Variants in PPP4R2 observed in about 807,000 individuals in gnomAD.
PPP4R2 encodes serine/threonine-protein phosphatase 4 regulatory subunit 2.
A neutral mutation model predicts 47.2 loss-of-function variants in PPP4R2; 13 were observed. The observed-to-expected ratio is 0.28, with a 90% CI of 0.18 to 0.44. PPP4R2 has a LOEUF of 0.44. Among genes scored for constraint, PPP4R2 ranks in the 20% least tolerant of loss-of-function variants. The pLI, the probability that PPP4R2 is intolerant of heterozygous loss-of-function variation, is 1.00. For missense variants in PPP4R2, 421 were observed against 491.2 expected, an observed-to-expected ratio of 0.86 and a Z score of 1.35; for synonymous variants, 151 against 163.3, an observed-to-expected ratio of 0.92 and a Z score of 0.57.
At chr3:73,005,943 C>G (rs920238350) in intron 2 of PPP4R2, among the ~76,000 whole-genome samples, 10 of 151,910 alleles carry the variant, frequency 6.6e-5, no homozygotes, top group African/African-American at 2.2e-4. Context: ...GAAACCATCA[C>G]AACAATCAAG....
rs375800683 is a variant in PPP4R2 at position 73,065,081 on chromosome 3, C to G, written c.868C>G (p.Arg290Gly). 2 of 1,613,840 alleles carry G rather than the reference C, an allele frequency of 1.2e-6. No homozygotes were observed. The highest frequency in any genetic ancestry group is 2.2e-5 in the South Asian group (2 of 91,056). Residue 290 changes from arginine to glycine, a missense_variant, in exon 8 of 9, where the codon CGT becomes GGT. Coordinates refer to ENST00000356692, the MANE Select transcript of PPP4R2 (RefSeq NM_174907.4). ...ATCTCAGGATAAAGACAAAGATAGC[C>G]GTTGTACCCGGCAGCACTGTACAGA... is the stretch of plus-strand genomic sequence containing the variant. ...SSSQDKDKDS[R>G]CTRQHCTEED...
Position 73,004,923 on chromosome 3 carries a change from TTGTGTGTTTTGAGTCGGAGTCGTGTG to T in PPP4R2, c.116+6773_116+6798del, listed in dbSNP as rs1410845389. 7.9e-3 allele frequency among the ~76,000 whole-genome samples: 1,109 copies of T among 140,040 alleles called. 21 individuals are homozygous for T. The highest frequency in any genetic ancestry group is 0.028 in the African/African-American group (1,061 of 37,384). 91.9% of individuals were successfully genotyped at this position (140,040 alleles called of 152,430 possible). ...TTGAGTCGGAGTCATGTGTGTGTGT[TTGTGTGTTTTGAGTCGGAGTCGTGTG>T]TGTGTGTGTGTGTGTGTGTGTGTGT... On this transcript the variant is annotated intron_variant, in intron 2 of 8. Transcript: ENST00000356692.
At chr3:73,058,071 A>T (rs1409983333) in intron 3 of PPP4R2, among the ~76,000 whole-genome samples, 1 of 150,430 alleles carries the variant, frequency 6.6e-6, no homozygotes, top group Non-Finnish European at 1.5e-5. Context: ...TGTAATTCTT[A>T]TGAATGCTAA....
At chr3:73,001,641 CTTT>C (rs758649383) in intron 2 of PPP4R2, among the ~76,000 whole-genome samples, 17 of 151,726 alleles carry the variant, frequency 1.1e-4, no homozygotes, top group Admixed American at 7.2e-4. Context: ...TTTCTTTCTT[CTTT>C]TTTTTTATTT....
At position 73,056,959 on chromosome 3, in the gene PPP4R2, A is replaced by C. The variant is rs183356038; in HGVS notation, c.288-2078A>C. 2.1e-3 allele frequency among the ~76,000 whole-genome samples: 326 copies of C among 152,300 alleles called. 5 individuals are homozygous for C. Among genetic ancestry groups the C allele is most frequent in the Non-Finnish European group, 3.6e-3 (244 of 67,998 alleles). On this transcript the variant is annotated intron_variant, in intron 3 of 8. Transcript: ENST00000356692. ...GTATTTTTCAGTTAAGTACTATTTG[A>C]ATACCCAAACACTTGTTGAATACCC...
intron 3 of PPP4R2, among the ~76,000 whole-genome samples, chr3:73,057,422 A>G (rs1702750922): frequency 6.6e-6 from 1 of 152,242 alleles, no homozygotes; most frequent in East Asian, 1.9e-4. Context: ...AAAGCAAAAA[A>G]GTATTCTTCC....
intron 2 of PPP4R2, among the ~76,000 whole-genome samples, chr3:73,006,437 G>C (rs1454005463): frequency 1.3e-5 from 2 of 152,024 alleles, no homozygotes; most frequent in Non-Finnish European, 2.9e-5. Flanking sequence ...TAATCCACCT[G>C]CCTCGGCCTC....
intron 2 of PPP4R2, among the ~76,000 whole-genome samples, chr3:73,045,506 A>G (rs1426752884): frequency 6.7e-6 from 1 of 150,006 alleles, no homozygotes; most frequent in Non-Finnish European, 1.5e-5. Context: ...TTTTGAGAAA[A>G]TGTCTACCAC....
chr3:73,060,955 C>A, intron 4 of PPP4R2, 68 bp from the exon 5 acceptor site: 3 of 1,137,282 alleles, frequency 2.6e-6, no homozygotes, highest in East Asian at 2.6e-5. Context: ...ATTTTAGAAA[C>A]AAAAATGATG....
intron 3 of PPP4R2, among the ~76,000 whole-genome samples, chr3:73,053,120 C>T (rs755896316): frequency 6.6e-6 from 1 of 152,146 alleles, no homozygotes; most frequent in South Asian, 2.1e-4. Flanking sequence ...TTTTTGTGCT[C>T]CCCAGTTGCC....
At chr3:73,020,636 C>T (rs1246382155) in intron 2 of PPP4R2, among the ~76,000 whole-genome samples, 3 of 146,262 alleles carry the variant, frequency 2.1e-5, no homozygotes, top group Non-Finnish European at 4.5e-5. Flanking sequence ...CACCACTGCA[C>T]TCCAGCCTGG....
At chr3:73,052,241 C>CTTTTTTTTTTTTTT (rs71845467) in intron 3 of PPP4R2, among the ~76,000 whole-genome samples, 2 of 137,716 alleles carry the variant, frequency 1.5e-5, no homozygotes, top group African/African-American at 2.8e-5. Flanking sequence ...TAATTTCTTT[C>CTTTTTTTTTTTTTT]TTTTCTTTTT....
rs180745245 is a variant in PPP4R2 at position 73,067,234 on chromosome 3, C to T, written c.*1512C>T. 69 of 152,112 alleles carry T rather than the reference C, an allele frequency of 4.5e-4. 1 individual carries two copies. The highest frequency in any genetic ancestry group is 1.6e-3 in the African/African-American group (65 of 41,522). 9.4% of individuals were successfully genotyped at this position (152,112 alleles called of 1,614,324 possible). A position where few individuals can be genotyped will look rare whatever the true frequency, so the allele number is the denominator to read the frequency against. ...TTATCAAAATATGAAAGAATCCCCC[C>T]TTTTTTAGTTTCAGATACCTGAACT... is the stretch of plus-strand genomic sequence containing the variant. On this transcript the variant is annotated 3_prime_UTR_variant, in exon 9 of 9. Transcript: ENST00000356692.
At chr3:73,038,150 CA>C (rs913238882) in intron 2 of PPP4R2, among the ~76,000 whole-genome samples, 4 of 152,058 alleles carry the variant, frequency 2.6e-5, no homozygotes, top group Admixed American at 2.0e-4. Flanking sequence ...TGGTAAAAAG[CA>C]GGAGCAAAAG....
chr3:73,064,184 AAAAGTT>A (rs758527941), intron 7 of PPP4R2, 38 bp downstream of exon 7: 21 of 1,543,298 alleles, frequency 1.4e-5, no homozygotes, highest in Admixed American at 5.8e-5. Context: ...TGTTTTTATT[AAAAGTT>A]AAAGTTAACA....
rs1329842127 is a variant in PPP4R2, at chr3:73,054,597, G to A, written c.288-4440G>A. 5.9e-5 allele frequency among the ~76,000 whole-genome samples: 9 copies of A among 152,070 alleles called. No individual in the cohort carries two copies. The East Asian group carries it at 1.7e-3, about 29-fold the overall frequency. ...CCACATATACATGGGTAAAACAAAA[G>A]TGAATGACTGTTTTGACTTTTTTTT... On this transcript the variant is annotated intron_variant, in intron 3 of 8. Transcript: ENST00000356692.
At chr3:73,025,138 A>G (rs1416980840) in intron 2 of PPP4R2, among the ~76,000 whole-genome samples, 1 of 152,200 alleles carries the variant, frequency 6.6e-6, no homozygotes, top group African/African-American at 2.4e-5. Flanking sequence ...TGTATTCAGT[A>G]CCTTTTAAAG....
At chr3:73,040,607 C>G (rs1039903190) in intron 2 of PPP4R2, among the ~76,000 whole-genome samples, 3 of 149,388 alleles carry the variant, frequency 2.0e-5, no homozygotes, top group African/African-American at 7.4e-5. Context: ...TGGGTTCAAG[C>G]GATTCTTCTG....
At chr3:73,062,409 A>T in intron 5 of PPP4R2, 3 of 1,611,376 alleles carry the variant, frequency 1.9e-6, no homozygotes, top group Non-Finnish European at 2.5e-6. Flanking sequence ...AGCCAAGTCT[A>T]TGCTAGACCC....
Sources: gnomAD v4.1 joint callset for allele counts (sites outside exome capture counted in the v4.1 genomes callset) on GRCh38, gnomAD v4.1.1 for gene constraint, MANE v1.5 for transcripts, NCBI Gene and HGNC (gene_info 2026-07-23, HGNC 2026-07-21) for gene names.